The following PAXBP1 variants were observed in gnomAD, a reference collection of about 807,000 sequenced individuals.
PAXBP1 encodes PAX3- and PAX7-binding protein 1.
A neutral mutation model predicts 119.9 loss-of-function variants in PAXBP1; 44 were observed. The ratio of observed to expected loss-of-function variants is 0.37; its 90% CI spans 0.29 to 0.47. The LOEUF (loss-of-function observed/expected upper bound fraction) is 0.47. Among genes scored for constraint, PAXBP1 ranks in the 20% least tolerant of loss-of-function variants. PAXBP1 has a pLI of 0.99. For synonymous variants in PAXBP1, 393 were observed against 406.6 expected, an observed-to-expected ratio of 0.97 and a Z score of 0.40; for missense variants, 898 against 1,134.1, an observed-to-expected ratio of 0.79 and a Z score of 2.99.
At position 32,771,495 on chromosome 21, in the gene PAXBP1, G is replaced by T; in HGVS notation, c.174C>A (p.Gly58=). The change falls in exon 1 of 18, where the codon GGC becomes GGA. Residue 58 remains glycine, a synonymous_variant. Coordinates refer to ENST00000331923, the MANE Select transcript of PAXBP1 (RefSeq NM_016631.4). ...GCGCGGAAGGCGGCGACGGCCCCGGGCCCAGCAGCGACTCCCCGCCAGGGG... is the reference window on the plus strand; with the variant it reads ...GCGCGGAAGGCGGCGACGGCCCCGGTCCCAGCAGCGACTCCCCGCCAGGGG... ...DRAPGGESLL[G]PGPSPPSALT... is the part of the protein sequence containing the mutation. 1 of 1,327,356 alleles carries T rather than the reference G, an allele frequency of 7.5e-7. No homozygotes were observed. The highest frequency in any genetic ancestry group is 9.6e-7 in the Non-Finnish European group (1 of 1,044,708). The allele number at this position is 1,327,356 out of a possible 1,614,324, so 82.2% of individuals were successfully genotyped here.
At chr21:32,756,465 A>C in intron 7 of PAXBP1, 1 of 484,180 alleles carries the variant, frequency 2.1e-6, no homozygotes, top group South Asian at 1.6e-5. Context: ...AAAAGTAGCA[A>C]ATGTTCACAG....
At chr21:32,749,590 A>G (rs2043927802) in intron 10 of PAXBP1, among the ~76,000 whole-genome samples, 1 of 152,180 alleles carries the variant, frequency 6.6e-6, no homozygotes, top group Admixed American at 6.5e-5. Flanking sequence ...TGCAAGATCA[A>G]TCTTAACATT....
intron 17 of PAXBP1, among the ~76,000 whole-genome samples, chr21:32,736,011 T>C (rs1273116109): frequency 6.6e-6 from 1 of 152,214 alleles, no homozygotes; most frequent in Non-Finnish European, 1.5e-5. Context: ...TGTTGATATT[T>C]AACTTCCAAA....
chr21:32,748,353 T>A, intron 11 of PAXBP1, 146 bp downstream of exon 11: 1 of 629,792 alleles, frequency 1.6e-6, no homozygotes, highest in Non-Finnish European at 2.6e-6. Flanking sequence ...ATCATAAGAT[T>A]ATAACCAGAT....
rs2044095702 is a variant in PAXBP1 at position 32,759,245 on chromosome 21, G to A, written c.1218C>T (p.His406=). The A allele has an allele frequency of 3.1e-6, 5 of 1,613,582 alleles. No individual in the cohort carries two copies. The highest frequency in any genetic ancestry group is 4.2e-6 in the Non-Finnish European group (5 of 1,179,842). ...TCTCATGCTGCTGTCGATTTGTTTT[G>A]TGCAATTCTTTCATGGAGTCCAACC... is the stretch of plus-strand genomic sequence containing the variant. ...KDRLDSMKEL[H]KTNRQQHEKH... The change falls in exon 7 of 18, where the codon CAC becomes CAT. Residue 406 remains histidine, a synonymous_variant. Transcript: ENST00000331923.
Position 32,759,983 on chromosome 21 carries a change from A to G in PAXBP1, c.987T>C (p.Ser329=). 1.2e-6 allele frequency: 2 copies of G among 1,611,404 alleles called. No homozygotes were observed. The highest frequency in any genetic ancestry group is 1.7e-6 in the Non-Finnish European group (2 of 1,178,660). Residue 329 remains serine (S), a synonymous_variant, in exon 6 of 18, where the codon AGT becomes AGC. Transcript: ENST00000331923. ...AGTACATATTCACTTCTGCGGGTTG[A>G]CTGGCTTGAACCTAGAAAAGAAATG... The part of the protein sequence containing the change: ...KGINIPQVQA[S]QPAEVNMYYQ...
intron 7 of PAXBP1, among the ~76,000 whole-genome samples, chr21:32,758,751 G>T (rs1165032498): frequency 6.7e-6 from 1 of 150,230 alleles, no homozygotes; most frequent in Non-Finnish European, 1.5e-5. Context: ...AACCAGAAAA[G>T]AAAATTTTAT....
Position 32,745,559 on chromosome 21 carries a change from G to A in PAXBP1, c.2068+15C>T. On this transcript the variant is annotated intron_variant, in intron 12 of 17. Coordinates refer to ENST00000331923, the MANE Select transcript of PAXBP1 (RefSeq NM_016631.4). ...AGTGTGTCTGAATGCTCAATTCAGAGAACAGGAGATTTACCTGTTAGTTTA... is the reference window on the plus strand; with the variant it reads ...AGTGTGTCTGAATGCTCAATTCAGAAAACAGGAGATTTACCTGTTAGTTTA... The A allele has an allele frequency of 6.2e-7, 1 of 1,613,520 alleles. No homozygotes were observed. Among genetic ancestry groups the A allele is most frequent in the Non-Finnish European group, 8.5e-7 (1 of 1,179,536 alleles).
chr21:32,750,558 T>C (rs1395257474), intron 10 of PAXBP1, among the ~76,000 whole-genome samples: 1 of 152,118 alleles, frequency 6.6e-6, no homozygotes, highest in Admixed American at 6.5e-5. Flanking sequence ...AAATCAAGAG[T>C]TTCCTTCAGG....
intron 15 of PAXBP1, among the ~76,000 whole-genome samples, chr21:32,740,320 T>C (rs1015703600): frequency 2.0e-5 from 3 of 152,222 alleles, no homozygotes; most frequent in East Asian, 1.9e-4. Flanking sequence ...TACATATTGA[T>C]TGATGTCTCG....
At chr21:32,756,539 C>A (rs534993945) in intron 7 of PAXBP1, 2 of 354,328 alleles carry the variant, frequency 5.6e-6, no homozygotes, top group South Asian at 2.2e-5. Flanking sequence ...ACAATGTCCC[C>A]AAATCTGTAA....
At chr21:32,767,682 C>T (rs955077751) in intron 2 of PAXBP1, among the ~76,000 whole-genome samples, 1 of 152,162 alleles carries the variant, frequency 6.6e-6, no homozygotes, top group Non-Finnish European at 1.5e-5. Context: ...TTTGCTTCCT[C>T]CTCATTTTCT....
Position 32,738,338 on chromosome 21 carries a change from A to G in PAXBP1, c.2335-19T>C. 1 of 1,570,312 alleles carries G rather than the reference A, an allele frequency of 6.4e-7. No individual in the cohort carries two copies. The highest frequency in any genetic ancestry group is 8.6e-7 in the Non-Finnish European group (1 of 1,164,194). On this transcript the variant is annotated intron_variant, in intron 15 of 17. Coordinates refer to ENST00000331923, the MANE Select transcript of PAXBP1 (RefSeq NM_016631.4). ...CTAACAGCTGGAAAGAAGAAAAAAA[A>G]TAGGTAATGTGAAACAATTAGATTA...
chr21:32,762,339 A>G, intron 3 of PAXBP1, 22 bp from the exon 4 acceptor site: 1 of 1,603,734 alleles, frequency 6.2e-7, no homozygotes, highest in Non-Finnish European at 8.5e-7. Flanking sequence ...TGGTAAGAAT[A>G]TGGCAGTATG....
Position 32,737,405 on chromosome 21 carries a change from T to A in PAXBP1, c.2485A>T (p.Ile829Phe). The A allele has an allele frequency of 6.3e-7, 1 of 1,597,334 alleles. No individual in the cohort carries two copies. The highest frequency in any genetic ancestry group is 8.5e-7 in the Non-Finnish European group (1 of 1,174,610). Reference protein sequence around the residue: ...DDSIKKAQNVINCFPKQWFMN... With the variant: ...DDSIKKAQNVFNCFPKQWFMN... ...AACCATTGTTTGGGGAAACAATTGATTACCTGTGGAGAAGAAAGACGTAAA... is the reference window on the plus strand; with the variant it reads ...AACCATTGTTTGGGGAAACAATTGAATACCTGTGGAGAAGAAAGACGTAAA... The change falls in exon 17 of 18, where the codon ATC becomes TTC. Residue 829 changes from isoleucine (I) to phenylalanine (F), a missense_variant. By Grantham distance (21) the Ile-to-Phe change is conservative (BLOSUM62 0). Transcript: ENST00000331923.
intron 1 of PAXBP1, among the ~76,000 whole-genome samples, chr21:32,770,880 T>C (rs892314440): frequency 6.6e-6 from 1 of 152,184 alleles, no homozygotes; most frequent in Admixed American, 6.5e-5. Context: ...TTCCCTCTCC[T>C]AGTATTCCTT....
At chr21:32,741,273 G>A (rs529038586) in intron 15 of PAXBP1, 6 of 321,684 alleles carry the variant, frequency 1.9e-5, no homozygotes, top group East Asian at 5.7e-5. Context: ...TGGAAATGTC[G>A]GGGCCAAGGG....
At chr21:32,741,244 G>A (rs754305843) in intron 15 of PAXBP1, 10 of 267,824 alleles carry the variant, frequency 3.7e-5, no homozygotes, top group Non-Finnish European at 5.7e-5. Flanking sequence ...CCTTATAGAA[G>A]GTCTGTTCAT....
At chr21:32,748,747 GA>G (rs768272368) in intron 10 of PAXBP1, 49 bp from the exon 11 acceptor site, 2 of 1,489,312 alleles carry the variant, frequency 1.3e-6, no homozygotes, top group Non-Finnish European at 9.1e-7. Flanking sequence ...TATGAAGTAG[GA>G]AAAAAACAGT....
Sources: allele counts gnomAD v4.1 joint callset (sites outside exome capture counted in the v4.1 genomes callset), GRCh38; gene constraint gnomAD v4.1.1; transcripts MANE v1.5; gene names NCBI Gene and HGNC (gene_info 2026-07-23, HGNC 2026-07-21).